CRTC3: variants seen among roughly 807,000 people sequenced by gnomAD.
The protein encoded by CRTC3 is CREB-regulated transcription coactivator 3.
Under a neutral mutation model 74.5 loss-of-function variants are expected in CRTC3, and 26 were observed. That is an observed-to-expected ratio of 0.35 (90% CI 0.26 to 0.48). CRTC3 has a LOEUF of 0.48. CRTC3 is among the 20% of genes least tolerant of loss of function. CRTC3 has a pLI of 0.99. For missense variants in CRTC3, 760 were observed against 787.3 expected, an observed-to-expected ratio of 0.97 and a Z score of 0.41; for synonymous variants, 377 against 325.8, an observed-to-expected ratio of 1.16 and a Z score of -1.69.
intron 2 of CRTC3, among the ~76,000 whole-genome samples, chr15:90,566,452 A>T (rs1967123803): frequency 6.6e-6 from 1 of 151,532 alleles, no homozygotes. Context: ...TGGAAGGCTG[A>T]GGCAGGAGAA....
At chr15:90,547,878 C>A (rs1325871865) in intron 2 of CRTC3, among the ~76,000 whole-genome samples, 2 of 140,372 alleles carry the variant, frequency 1.4e-5, no homozygotes, top group South Asian at 2.2e-4. Context: ...ATAGTTGTAG[C>A]TTTTCGTATC....
intron 2 of CRTC3, among the ~76,000 whole-genome samples, chr15:90,588,995 GT>G (rs1172103419): frequency 5.3e-5 from 8 of 152,174 alleles, no homozygotes; most frequent in African/African-American, 1.9e-4. Flanking sequence ...AACTTGAACT[GT>G]TTCTTTGACT....
intron 2 of CRTC3, among the ~76,000 whole-genome samples, chr15:90,592,561 A>G (rs1453345025): frequency 6.6e-6 from 1 of 152,224 alleles, no homozygotes; most frequent in Non-Finnish European, 1.5e-5. Context: ...ACGTACCCCA[A>G]GCATCTCTTT....
intron 2 of CRTC3, among the ~76,000 whole-genome samples, chr15:90,550,284 C>G (rs532476441): frequency 6.6e-6 from 1 of 151,520 alleles, no homozygotes; most frequent in African/African-American, 2.4e-5. Flanking sequence ...CAAAATTAGC[C>G]GGGCATGGTG....
At chr15:90,540,324 C>G (rs1483928016) in intron 2 of CRTC3, among the ~76,000 whole-genome samples, 187 bp downstream of exon 2, 1 of 152,172 alleles carries the variant, frequency 6.6e-6, no homozygotes, top group Non-Finnish European at 1.5e-5. Context: ...TCACAAATGG[C>G]TGAAGGCAGC....
intron 11 of CRTC3, among the ~76,000 whole-genome samples, chr15:90,636,983 G>A (rs1469168673): frequency 6.6e-6 from 1 of 152,184 alleles, no homozygotes; most frequent in Non-Finnish European, 1.5e-5. Flanking sequence ...AACCATTGTG[G>A]AAGTCAGTGT....
At chr15:90,540,786 TAAAAA>T (rs1221407642) in intron 2 of CRTC3, among the ~76,000 whole-genome samples, 4 of 151,758 alleles carry the variant, frequency 2.6e-5, no homozygotes, top group African/African-American at 4.8e-5. Context: ...AAAATAAAAA[TAAAAA>T]AATAAATATT....
chr15:90,627,200 G>A (rs1320055870), intron 10 of CRTC3, among the ~76,000 whole-genome samples: 1 of 152,220 alleles, frequency 6.6e-6, no homozygotes, highest in Non-Finnish European at 1.5e-5. Flanking sequence ...ACAATCTTAG[G>A]TTTGAAGAAT....
intron 2 of CRTC3, among the ~76,000 whole-genome samples, chr15:90,584,306 C>G (rs190645841): frequency 2.2e-4 from 33 of 149,712 alleles, no homozygotes; most frequent in African/African-American, 7.1e-4. Context: ...GGCACGATCT[C>G]AGCTCCCTAC....
intron 1 of CRTC3, among the ~76,000 whole-genome samples, chr15:90,535,002 A>G (rs1187869985): frequency 6.6e-6 from 1 of 152,116 alleles, no homozygotes; most frequent in Non-Finnish European, 1.5e-5. Flanking sequence ...TCTACTAAAA[A>G]TACAAAAAAT....
At chr15:90,573,905 G>A (rs529192266) in intron 2 of CRTC3, among the ~76,000 whole-genome samples, 7 of 152,272 alleles carry the variant, frequency 4.6e-5, no homozygotes, top group African/African-American at 1.7e-4. Flanking sequence ...AATATTTTAT[G>A]TATGTATCAG....
At chr15:90,580,475 C>A (rs572203942) in intron 2 of CRTC3, among the ~76,000 whole-genome samples, 2 of 151,396 alleles carry the variant, frequency 1.3e-5, no homozygotes, top group African/African-American at 4.8e-5. Context: ...GTCACCCAGA[C>A]TGGAGTGCAG....
At chr15:90,592,760 T>C (rs1324437778) in intron 2 of CRTC3, among the ~76,000 whole-genome samples, 1 of 152,184 alleles carries the variant, frequency 6.6e-6, no homozygotes, top group Non-Finnish European at 1.5e-5. Flanking sequence ...ATGGTTTGTG[T>C]GTAAGGATTC....
At chr15:90,545,271 T>A (rs1336864834) in intron 2 of CRTC3, among the ~76,000 whole-genome samples, 1 of 152,226 alleles carries the variant, frequency 6.6e-6, no homozygotes, top group Admixed American at 6.5e-5. Flanking sequence ...TGCCGCCACC[T>A]CTTGGCTATT....
intron 10 of CRTC3, among the ~76,000 whole-genome samples, chr15:90,628,148 CG>C (rs1968907071): frequency 6.6e-6 from 1 of 151,364 alleles, no homozygotes. Context: ...ACCCGGGAGA[CG>C]GAGCTTGCAG....
intron 2 of CRTC3, among the ~76,000 whole-genome samples, chr15:90,567,765 T>G (rs905673046): frequency 4.6e-5 from 7 of 152,286 alleles, no homozygotes; most frequent in Admixed American, 3.3e-4. Context: ...GGAGCTCTGA[T>G]GGAAATGTAG....
intron 6 of CRTC3, among the ~76,000 whole-genome samples, chr15:90,612,064 ACCTCCT>A (rs1449446103): frequency 4.9e-5 from 1 of 20,428 alleles, no homozygotes; most frequent in Non-Finnish European, 1.0e-4. Context: ...CTCCGCCTCC[ACCTCCT>A]CCTCCTCCTC....
intron 2 of CRTC3, among the ~76,000 whole-genome samples, chr15:90,540,748 G>T (rs1400502618): frequency 6.6e-6 from 1 of 151,972 alleles, no homozygotes; most frequent in Non-Finnish European, 1.5e-5. Context: ...CCTCCAGCCT[G>T]GGCGACAGAG....
Position 90,617,955 on chromosome 15 carries a change from G to A in CRTC3, c.686G>A (p.Trp229Ter). 1 of 1,605,636 alleles carries A rather than the reference G, an allele frequency of 6.2e-7. No homozygotes were observed. The highest frequency in any genetic ancestry group is 8.5e-7 in the Non-Finnish European group (1 of 1,172,326). Reference sequence around the variant, plus strand: ...CCGAAGCCACTGCCAAAACAACTGTGGGAGACCAAGGAGGTGGGTGAACAG... The same window carrying A: ...CCGAAGCCACTGCCAAAACAACTGTAGGAGACCAAGGAGGTGGGTGAACAG... ...NVPKPLPKQLWETKEIQSLSG... is the reference protein window; with the variant it reads ...NVPKPLPKQL Residue 229 changes from tryptophan (W) to a stop codon, truncating the protein, a stop_gained, in exon 8 of 15, where the codon TGG becomes TAG. Coordinates refer to ENST00000268184, the MANE Select transcript of CRTC3 (RefSeq NM_022769.5). LOFTEE classifies it high-confidence loss of function.
Sources: allele counts gnomAD v4.1 joint callset (sites outside exome capture counted in the v4.1 genomes callset), GRCh38; gene constraint gnomAD v4.1.1; transcripts MANE v1.5; gene names NCBI Gene and HGNC (gene_info 2026-07-23, HGNC 2026-07-21).